Variants in STARD13 observed in about 807,000 individuals in gnomAD.
The protein encoded by STARD13 is StAR related lipid transfer domain containing 13.
A neutral mutation model predicts 106.4 loss-of-function variants in STARD13; 62 were observed. The observed-to-expected ratio is 0.58, with a 90% CI of 0.48 to 0.72. STARD13 has a LOEUF of 0.72. Among genes scored for constraint, STARD13 ranks in the 30% least tolerant of loss-of-function variants. STARD13 has a pLI of 0.00. For synonymous variants in STARD13, 565 were observed against 553.0 expected, an observed-to-expected ratio of 1.02 and a Z score of -0.31; for missense variants, 1,387 against 1,424.0, an observed-to-expected ratio of 0.97 and a Z score of 0.42.
At chr13:33,662,045 G>A in the STARD13 span, among the ~76,000 whole-genome samples, 4 of 152,020 alleles carry the variant, frequency 2.6e-5, no homozygotes, top group Non-Finnish European at 2.9e-5. Context: ...GGCGGATCAC[G>A]AGGTCAGGAG....
At chr13:33,345,643 A>T (rs1463469005), downstream of STARD13, among the ~76,000 whole-genome samples, 1 of 152,212 alleles carries the variant, frequency 6.6e-6, no homozygotes, top group Non-Finnish European at 1.5e-5. Context: ...TCCACAATCT[A>T]GTGGAAATTT....
chr13:33,586,630 G>A, the STARD13 span, among the ~76,000 whole-genome samples: 1 of 152,110 alleles, frequency 6.6e-6, no homozygotes, highest in African/African-American at 2.4e-5. Context: ...TGAAAGAGCC[G>A]GGTGTTAAAT....
intron 7 of STARD13, among the ~76,000 whole-genome samples, chr13:33,125,217 A>G (rs900422803): frequency 2.0e-5 from 3 of 152,204 alleles, no homozygotes; most frequent in African/African-American, 7.2e-5. Flanking sequence ...AGTACAAATA[A>G]TCTTAGGTTG....
the STARD13 span, among the ~76,000 whole-genome samples, chr13:33,360,726 A>AATCCTTCTGTGTAGACAGAAGGAAT: frequency 1.4e-4 from 19 of 134,708 alleles, no homozygotes; most frequent in East Asian, 4.8e-4. Flanking sequence ...AGACAGAAGG[A>AATCCTTCTGTGTAGACAGAAGGAAT]CATATTGTTG....
intron 1 of STARD13, among the ~76,000 whole-genome samples, chr13:33,206,390 CA>C (rs1340812684): frequency 1.2e-4 from 18 of 151,964 alleles, no homozygotes; most frequent in Non-Finnish European, 1.6e-4. Flanking sequence ...CACACACACA[CA>C]CACACCCATA....
At chr13:33,558,536 C>T in the STARD13 span, among the ~76,000 whole-genome samples, 797 of 150,344 alleles carry the variant, frequency 5.3e-3, 4 homozygotes, top group Admixed American at 9.1e-3. Context: ...CCTATCTGTA[C>T]GGTAGAGAGA....
chr13:33,627,905 C>G, the STARD13 span, among the ~76,000 whole-genome samples: 3 of 152,014 alleles, frequency 2.0e-5, no homozygotes, highest in Non-Finnish European at 2.9e-5. Flanking sequence ...AAAGTCCCAC[C>G]ACTATAGTGT....
the STARD13 span, among the ~76,000 whole-genome samples, chr13:33,554,163 T>C: frequency 6.6e-6 from 1 of 152,136 alleles, no homozygotes; most frequent in East Asian, 1.9e-4. Context: ...ATAATACTTA[T>C]ATAGGGAGGA....
chr13:33,440,767 ATTTTTTTTTTT>A, the STARD13 span, among the ~76,000 whole-genome samples: 24 of 60,118 alleles, frequency 4.0e-4, no homozygotes, highest in African/African-American at 1.3e-3. Context: ...GAAAACAGCG[ATTTTTTTTTTT>A]TTTTTTTTTT....
At chr13:33,151,611 T>C (rs1054039039) in intron 3 of STARD13, among the ~76,000 whole-genome samples, 9 of 152,038 alleles carry the variant, frequency 5.9e-5, no homozygotes, top group East Asian at 1.9e-4. Context: ...TCAAACCATA[T>C]TGAGGGATAA....
chr13:33,351,706 A>G (rs2078080564), upstream of STARD13, among the ~76,000 whole-genome samples: 2 of 152,346 alleles, frequency 1.3e-5, no homozygotes, highest in Non-Finnish European at 2.9e-5. Context: ...CTTGAATCTC[A>G]TTTCTTTTTA....
At chr13:33,423,869 T>C in the STARD13 span, among the ~76,000 whole-genome samples, 4 of 152,182 alleles carry the variant, frequency 2.6e-5, no homozygotes, top group African/African-American at 9.7e-5. Flanking sequence ...CGGCATGTTC[T>C]CACTCATAGG....
the STARD13 span, among the ~76,000 whole-genome samples, chr13:33,580,390 G>C: frequency 1.3e-5 from 2 of 152,118 alleles, no homozygotes; most frequent in African/African-American, 2.4e-5. Context: ...CGTGGGCTTA[G>C]TGGGGAGGGG....
chr13:33,626,590 A>T, the STARD13 span, among the ~76,000 whole-genome samples: 1 of 152,248 alleles, frequency 6.6e-6, no homozygotes, highest in African/African-American at 2.4e-5. Flanking sequence ...CTATTACTGC[A>T]AGTGACTCTC....
chr13:33,456,171 A>G, the STARD13 span, among the ~76,000 whole-genome samples: 1 of 151,956 alleles, frequency 6.6e-6, no homozygotes, highest in Admixed American at 6.6e-5. Flanking sequence ...GGGTGGCTTA[A>G]ACGACAGAAT....
the STARD13 span, among the ~76,000 whole-genome samples, chr13:33,429,387 C>G: frequency 6.6e-6 from 1 of 151,980 alleles, no homozygotes; most frequent in Non-Finnish European, 1.5e-5. Flanking sequence ...ACGAGGTCAG[C>G]AGATTGAGAC....
At chr13:33,365,095 A>ATT in the STARD13 span, among the ~76,000 whole-genome samples, 5 of 56,790 alleles carry the variant, frequency 8.8e-5, no homozygotes, top group Non-Finnish European at 1.2e-4. Flanking sequence ...CACCTTCCAC[A>ATT]CATGTGAGAT....
At chr13:33,445,769 G>A in the STARD13 span, among the ~76,000 whole-genome samples, 1 of 152,056 alleles carries the variant, frequency 6.6e-6, no homozygotes, top group Non-Finnish European at 1.5e-5. Flanking sequence ...AGCAGAAGAG[G>A]GGCCAGGTGC....
chr13:33,535,129 C>A, the STARD13 span, among the ~76,000 whole-genome samples: 1 of 151,998 alleles, frequency 6.6e-6, no homozygotes, highest in African/African-American at 2.4e-5. Flanking sequence ...GCTGGAAAAT[C>A]GCTTGAACCC....
Sources: allele counts gnomAD v4.1 joint callset (sites outside exome capture counted in the v4.1 genomes callset), GRCh38; gene constraint gnomAD v4.1.1; transcripts MANE v1.5; gene names NCBI Gene and HGNC (gene_info 2026-07-23, HGNC 2026-07-21).